Variants in ZBED6 observed in about 807,000 individuals in gnomAD.
The protein encoded by ZBED6 is zinc finger BED domain-containing protein 6.
In ZBED6, 40 loss-of-function variants were observed where a neutral mutation model predicts 58.4. The observed-to-expected ratio is 0.68, with a 90% CI of 0.53 to 0.89. The LOEUF (loss-of-function observed/expected upper bound fraction) is 0.89. ZBED6 is among the 40% of genes least tolerant of loss of function. ZBED6 has a pLI of 0.00. For synonymous variants in ZBED6, 439 were observed against 350.6 expected (o/e 1.25, Z -2.82); for missense variants, 1,057 against 1,003.9 (o/e 1.05, Z -0.71).
intron 1 of ZBED6, among the ~76,000 whole-genome samples, chr1:203,810,426 T>TTTTC (rs1478076748): frequency 6.6e-6 from 1 of 151,012 alleles, no homozygotes; most frequent in African/African-American, 2.4e-5. Flanking sequence ...CTGTTAGGTT[T>TTTTC]TTTTTTTTTT....
Position 203,837,144 on chromosome 1 carries a change from A to G in ZBED6, c.*3574-822A>G, listed in dbSNP as rs55924125. Among the ~76,000 whole-genome samples, 464 of 151,884 alleles carry G rather than the reference A, an allele frequency of 3.1e-3. 1 individual carries two copies. Among genetic ancestry groups the G allele is most frequent in the Non-Finnish European group, 5.4e-3 (365 of 67,922 alleles). On this transcript the variant is annotated intron_variant, in intron 9 of 16. Coordinates refer to ENST00000550078, the Ensembl canonical transcript of ZBED6. ...CCCTTGTCTCTACTAAAAATACAAA[A>G]ATTAACCAGGCATGGCATGTGCCTA...
rs974557153 is a variant in ZBED6, at chr1:203,847,699, A to G, written c.*4245+12A>G. On this transcript the variant is annotated intron_variant, in intron 12 of 16. Coordinates refer to ENST00000550078, the Ensembl canonical transcript of ZBED6. ...CACCAAAAGAACAGGTAACAAGAGA[A>G]CTTGGTCTCTAGTACCACGTCCCCA... The G allele has an allele frequency of 8.7e-6, 14 of 1,609,268 alleles. No homozygotes were observed. The highest frequency in any genetic ancestry group is 1.1e-5 in the Non-Finnish European group (13 of 1,178,764).
chr1:203,797,869 A>G (rs1669143345), exon 1 of ZBED6: 2 of 1,536,000 alleles, frequency 1.3e-6, no homozygotes, highest in Admixed American at 2.0e-5. Context: ...AGTCTTTTTG[A>G]GAGCAATATA....
At chr1:203,835,263 T>C (rs913903161) in intron 9 of ZBED6, among the ~76,000 whole-genome samples, 11 of 152,230 alleles carry the variant, frequency 7.2e-5, no homozygotes, top group African/African-American at 2.7e-4. Flanking sequence ...TAAATTCTCA[T>C]CGAATCCTTG....
chr1:203,853,386 G>A (rs1689648691), exon 17 of ZBED6: 1 of 152,520 alleles, frequency 6.6e-6, no homozygotes, highest in Admixed American at 6.6e-5. Context: ...TACTGTGCCA[G>A]GGATATTGAG....
chr1:203,818,457 C>A, intron 2 of ZBED6, 113 bp from the exon 3 acceptor site: 1 of 1,386,520 alleles, frequency 7.2e-7, no homozygotes, highest in Non-Finnish European at 9.9e-7. Context: ...TTTACCTTAC[C>A]AGTCCTTTCT....
exon 1 of ZBED6, chr1:203,798,503 T>G: frequency 6.5e-7 from 1 of 1,536,140 alleles, no homozygotes. Flanking sequence ...ACAGTGGTGC[T>G]GTTGCAAATG....
At chr1:203,833,289 C>T (rs368330837) in intron 8 of ZBED6, among the ~76,000 whole-genome samples, 68 of 148,504 alleles carry the variant, frequency 4.6e-4, no homozygotes, top group African/African-American at 1.5e-3. Context: ...CGCTTGAACC[C>T]GGGAGGTGGA....
At chr1:203,798,384 T>C in exon 1 of ZBED6, 2 of 1,535,128 alleles carry the variant, frequency 1.3e-6, no homozygotes, top group African/African-American at 1.4e-5. Context: ...GTGTAATATA[T>C]GTAAAAGAAG....
At chr1:203,812,604 CG>C (rs1205523157) in intron 1 of ZBED6, among the ~76,000 whole-genome samples, 1 of 99,800 alleles carries the variant, frequency 1.0e-5, no homozygotes, top group African/African-American at 3.9e-5. Flanking sequence ...TTTTTTGAGA[CG>C]GAGTCTCACT....
intron 15 of ZBED6, 108 bp downstream of exon 15, chr1:203,850,789 CCTAGCATTTT>C: frequency 1.4e-6 from 2 of 1,446,328 alleles, no homozygotes; most frequent in Non-Finnish European, 1.9e-6. Flanking sequence ...CCTGGCATTT[CCTAGCATTTT>C]AGTAATTTGG....
chr1:203,805,456 G>A (rs1672001665), intron 1 of ZBED6, among the ~76,000 whole-genome samples: 1 of 152,130 alleles, frequency 6.6e-6, no homozygotes, highest in African/African-American at 2.4e-5. Context: ...TACAAAGAAA[G>A]CATTTCCCAA....
exon 1 of ZBED6, chr1:203,799,640 C>T (rs975333048): frequency 3.6e-5 from 25 of 703,278 alleles, no homozygotes; most frequent in Admixed American, 3.4e-4. Context: ...GCGTGAAGAC[C>T]GCAGGATTGA....
chr1:203,845,160 GC>G, intron 11 of ZBED6, among the ~76,000 whole-genome samples: 1 of 152,102 alleles, frequency 6.6e-6, no homozygotes. Flanking sequence ...TCAGACATCT[GC>G]TTTCTGTTTT....
chr1:203,836,211 T>C (rs1684269180), intron 9 of ZBED6, among the ~76,000 whole-genome samples: 1 of 152,228 alleles, frequency 6.6e-6, no homozygotes, highest in African/African-American at 2.4e-5. Flanking sequence ...AGCAAGACCC[T>C]GTCTCTAAAA....
At chr1:203,817,233 C>T (rs1353824038) in intron 2 of ZBED6, 109 bp downstream of exon 2, 1 of 827,654 alleles carries the variant, frequency 1.2e-6, no homozygotes, top group Non-Finnish European at 1.8e-6. Context: ...ATTTTTTGCC[C>T]AACTTTATTA....
chr1:203,834,364 T>C (rs927512196), intron 9 of ZBED6, among the ~76,000 whole-genome samples: 1 of 152,168 alleles, frequency 6.6e-6, no homozygotes, highest in African/African-American at 2.4e-5. Flanking sequence ...CTCCACCTCC[T>C]GGACTCAAGT....
chr1:203,796,253 G>C (rs1028894472), exon 1 of ZBED6: 1 of 395,274 alleles, frequency 2.5e-6, no homozygotes, highest in East Asian at 3.6e-5. Flanking sequence ...ATCAGACTGA[G>C]TGCCGGGCGC....
At chr1:203,840,950 G>C (rs1652970753) in intron 11 of ZBED6, among the ~76,000 whole-genome samples, 3 of 152,122 alleles carry the variant, frequency 2.0e-5, no homozygotes, top group Middle Eastern at 3.4e-3. Context: ...TAGGAAATTA[G>C]AAACAACTTA....
Sources: gnomAD v4.1 joint callset for allele counts (sites outside exome capture counted in the v4.1 genomes callset) on GRCh38, gnomAD v4.1.1 for gene constraint, MANE v1.5 for transcripts, NCBI Gene and HGNC (gene_info 2026-07-23, HGNC 2026-07-21) for gene names.